CAST: variants seen among roughly 807,000 people sequenced by gnomAD.
CAST encodes the protein calpastatin.
CAST carries 76 observed loss-of-function variants against 119.6 expected under a neutral mutation model. The observed-to-expected ratio is 0.64, with a 90% CI of 0.53 to 0.77. CAST has a LOEUF of 0.77. Among genes scored for constraint, CAST ranks in the 30% least tolerant of loss-of-function variants. The probability of loss-of-function intolerance (pLI) is 0.00; values close to 1 mark genes in which losing one functional copy is unlikely to be tolerated. For missense variants in CAST, 953 were observed against 946.5 expected (o/e 1.01, Z -0.09); for synonymous variants, 319 against 331.6 (o/e 0.96, Z 0.41).
chr5:96,576,979 C>A (rs934393140), intron 1 of CAST, among the ~76,000 whole-genome samples: 3 of 152,104 alleles, frequency 2.0e-5, no homozygotes, highest in Non-Finnish European at 4.4e-5. Context: ...AATGCTCTTC[C>A]CATCCTTCGC....
intron 13 of CAST, 126 bp from the exon 14 acceptor site, chr5:96,741,140 C>T (rs564687009): frequency 1.6e-6 from 1 of 635,994 alleles, no homozygotes; most frequent in Non-Finnish European, 2.8e-6. Context: ...TAAGTTGTTT[C>T]ATTAACACAC....
the CAST span, among the ~76,000 whole-genome samples, chr5:96,168,753 A>T: frequency 2.0e-5 from 3 of 152,158 alleles, no homozygotes; most frequent in African/African-American, 7.2e-5. Flanking sequence ...TATCCGGAAT[A>T]ATGTGTGAGG....
the CAST span, among the ~76,000 whole-genome samples, chr5:96,310,179 T>C: frequency 0.019 from 2,965 of 152,344 alleles, 100 homozygotes; most frequent in African/African-American, 0.067. Flanking sequence ...CTTCATCTGA[T>C]GACATGATTA....
chr5:96,163,348 C>A, the CAST span, among the ~76,000 whole-genome samples: 1 of 152,050 alleles, frequency 6.6e-6, no homozygotes, highest in African/African-American at 2.4e-5. Context: ...TTAAAAGAAC[C>A]AACTTTTGAT....
chr5:96,493,323 C>G, the CAST span, among the ~76,000 whole-genome samples: 130,475 of 152,118 alleles, frequency 0.86, 56,782 homozygotes, highest in Non-Finnish European at 0.95. Flanking sequence ...CTCCTCTTCA[C>G]CCTAGATAAA....
At position 96,651,151 on chromosome 5, in the gene CAST, C is replaced by T. The variant is rs573157281; in HGVS notation, c.61-24388C>T. 6.6e-5 allele frequency among the ~76,000 whole-genome samples: 10 copies of T among 152,040 alleles called. No individual in the cohort carries two copies. In the South Asian group the frequency reaches 1.9e-3, roughly 28 times the overall value. ...ATGATGCTGCCGATGCCAGCCTCCC[C>T]GTCTCAATTATCTCAATCAGACAAA... On this transcript the variant is annotated intron_variant, in intron 1 of 11. Transcript: ENST00000505143.
chr5:96,358,529 T>C, the CAST span, among the ~76,000 whole-genome samples: 2 of 152,246 alleles, frequency 1.3e-5, no homozygotes, highest in African/African-American at 4.8e-5. Flanking sequence ...TGGTACGTTG[T>C]GTTTTTGTTC....
At chr5:96,546,228 T>A (rs1474212651) in intron 1 of CAST, 1 of 152,064 alleles carries the variant, frequency 6.6e-6, no homozygotes, top group East Asian at 1.9e-4. Context: ...CTTCAGATAG[T>A]TGGTGGTTTG....
chr5:96,433,135 C>T, the CAST span: 1 of 1,224,966 alleles, frequency 8.2e-7, no homozygotes, highest in African/African-American at 1.5e-5. Context: ...TTCCCACCCT[C>T]GGGCTCTAGA....
At chr5:96,521,537 A>C (rs1171914870), upstream of CAST, among the ~76,000 whole-genome samples, 3 of 152,128 alleles carry the variant, frequency 2.0e-5, no homozygotes, top group Non-Finnish European at 4.4e-5. Context: ...ACATATCCCC[A>C]CATGTCACAT....
At chr5:96,562,606 T>G (rs560160467) in intron 1 of CAST, among the ~76,000 whole-genome samples, 2 of 152,196 alleles carry the variant, frequency 1.3e-5, no homozygotes, top group African/African-American at 2.4e-5. Context: ...ACACACACTA[T>G]TTTACTCAGC....
the CAST span, among the ~76,000 whole-genome samples, chr5:96,220,862 A>C: frequency 0.044 from 6,734 of 152,272 alleles, 516 homozygotes; most frequent in African/African-American, 0.15. Context: ...GTCATTCTGC[A>C]GCAGAGAAAC....
the CAST span, among the ~76,000 whole-genome samples, chr5:95,975,683 A>G: frequency 6.6e-6 from 1 of 152,290 alleles, no homozygotes; most frequent in East Asian, 1.9e-4. Flanking sequence ...GTATAAATAG[A>G]CTTAAGTTAA....
chr5:96,628,492 G>T (rs972220603), intron 1 of CAST, among the ~76,000 whole-genome samples: 1 of 152,166 alleles, frequency 6.6e-6, no homozygotes, highest in Non-Finnish European at 1.5e-5. Context: ...AGAAAATTTA[G>T]AAAGTATCTA....
chr5:96,220,521 G>A, the CAST span, among the ~76,000 whole-genome samples: 1 of 152,188 alleles, frequency 6.6e-6, no homozygotes, highest in Non-Finnish European at 1.5e-5. Flanking sequence ...AAAAGAAACT[G>A]ATACCCAAAG....
the CAST span, among the ~76,000 whole-genome samples, chr5:96,424,447 C>T: frequency 6.6e-6 from 1 of 152,166 alleles, no homozygotes; most frequent in Admixed American, 6.5e-5. Context: ...GAATTATAGT[C>T]CCACCACTAG....
the CAST span, among the ~76,000 whole-genome samples, chr5:96,244,385 A>G: frequency 6.6e-6 from 1 of 152,208 alleles, no homozygotes; most frequent in Non-Finnish European, 1.5e-5. Context: ...ATAGTGTTGT[A>G]TTGTTCTGGG....
the CAST span, among the ~76,000 whole-genome samples, chr5:96,206,630 T>A: frequency 6.6e-6 from 1 of 152,136 alleles, no homozygotes; most frequent in East Asian, 1.9e-4. Context: ...GCGGCTTTAT[T>A]CCTGGGCTCT....
chr5:96,674,051 T>C lies in CAST; in HGVS notation c.76-1488T>C, dbSNP rs114191386. On this transcript the variant is annotated intron_variant, in intron 1 of 31. Coordinates refer to ENST00000675179, the MANE Select transcript of CAST (RefSeq NM_001750.7). The stretch of plus-strand genomic sequence containing the variant: ...TCGAGAAAGGATTTCAGCCACAGGT[T>C]TGGTATTCCTTGGCCATTTTTAGTA... Among the ~76,000 whole-genome samples, 445 of 152,328 alleles carry C rather than the reference T, an allele frequency of 2.9e-3. 3 individuals are homozygous for C. Among genetic ancestry groups the C allele is most frequent in the African/African-American group, 0.01 (433 of 41,570 alleles).
Sources: gnomAD v4.1 joint callset for allele counts (sites outside exome capture counted in the v4.1 genomes callset) on GRCh38, gnomAD v4.1.1 for gene constraint, MANE v1.5 for transcripts, NCBI Gene and HGNC (gene_info 2026-07-23, HGNC 2026-07-21) for gene names.